Variants in CPNE4 observed in about 807,000 individuals in gnomAD.
The protein encoded by CPNE4 is copine-4.
In CPNE4, 25 loss-of-function variants were observed where a neutral mutation model predicts 67.9. The observed-to-expected ratio is 0.37, with a 90% CI of 0.27 to 0.51. The LOEUF is 0.51. Among genes scored for constraint, CPNE4 ranks in the 20% least tolerant of loss-of-function variants. The pLI is 0.93. For missense variants in CPNE4, 464 were observed against 690.8 expected (o/e 0.67, Z 3.68); for synonymous variants, 242 against 244.9 (o/e 0.99, Z 0.11).
chr3:131,771,593 G>A (rs1456706777), intron 2 of CPNE4, among the ~76,000 whole-genome samples: 1 of 152,066 alleles, frequency 6.6e-6, no homozygotes, highest in Admixed American at 6.6e-5. Flanking sequence ...CACCATAAAT[G>A]GAAGCAGCCT....
At chr3:131,654,677 C>T (rs2079905599) in intron 7 of CPNE4, among the ~76,000 whole-genome samples, 2 of 152,120 alleles carry the variant, frequency 1.3e-5, no homozygotes, top group African/African-American at 2.4e-5. Context: ...CTCAACTGGC[C>T]CCAACTCAGG....
intron 2 of CPNE4, among the ~76,000 whole-genome samples, chr3:131,874,433 C>A (rs1219844944): frequency 6.6e-6 from 1 of 152,106 alleles, no homozygotes; most frequent in African/African-American, 2.4e-5. Context: ...TACCACATAC[C>A]AGGCACTGGG....
chr3:131,829,576 A>T (rs908803352), intron 2 of CPNE4, among the ~76,000 whole-genome samples: 2 of 152,212 alleles, frequency 1.3e-5, no homozygotes, highest in East Asian at 1.9e-4. Context: ...CTGATATTTC[A>T]TTGGTGCAAT....
chr3:132,002,339 T>C (rs1197249594), intron 1 of CPNE4, among the ~76,000 whole-genome samples: 6 of 152,156 alleles, frequency 3.9e-5, no homozygotes, highest in Non-Finnish European at 8.8e-5. Context: ...CTCTCATTAA[T>C]GTGTTGCTGA....
intron 1 of CPNE4, among the ~76,000 whole-genome samples, chr3:132,012,513 A>C (rs529277614): frequency 6.6e-6 from 1 of 152,038 alleles, no homozygotes; most frequent in Non-Finnish European, 1.5e-5. Context: ...CTCCTTGGTC[A>C]CAGTGTGCTG....
intron 2 of CPNE4, among the ~76,000 whole-genome samples, chr3:131,739,486 C>G (rs1256295570): frequency 6.6e-6 from 1 of 152,206 alleles, no homozygotes; most frequent in African/African-American, 2.4e-5. Context: ...TAAACATCTT[C>G]TTTCAGGACA....
At chr3:131,615,887 T>TCA (rs1940107709) in intron 7 of CPNE4, among the ~76,000 whole-genome samples, 1 of 130,734 alleles carries the variant, frequency 7.6e-6, no homozygotes, top group South Asian at 2.4e-4. Flanking sequence ...CCCATCTCTC[T>TCA]CTCTCACACA....
intron 7 of CPNE4, among the ~76,000 whole-genome samples, chr3:131,658,103 C>T (rs2080025638): frequency 6.6e-6 from 1 of 151,394 alleles, no homozygotes; most frequent in African/African-American, 2.4e-5. Context: ...TAGTTCTTGC[C>T]AAATTTATTT....
chr3:131,942,632 C>T (rs1039481768), intron 1 of CPNE4, among the ~76,000 whole-genome samples: 2 of 151,994 alleles, frequency 1.3e-5, no homozygotes, highest in African/African-American at 4.8e-5. Flanking sequence ...ATGAATCTGC[C>T]ACAGCTGGCC....
chr3:131,637,054 C>T (rs907431070), intron 7 of CPNE4, among the ~76,000 whole-genome samples: 1 of 152,164 alleles, frequency 6.6e-6, no homozygotes, highest in Admixed American at 6.5e-5. Flanking sequence ...CCTTGAATCC[C>T]AGATCTTTCC....
chr3:131,576,281 G>A lies in CPNE4; in HGVS notation c.868-1151C>T, dbSNP rs1172342136. 3.3e-5 allele frequency among the ~76,000 whole-genome samples: 5 copies of A among 152,100 alleles called. No individual in the cohort carries two copies. The East Asian group carries it at 9.7e-4, about 29-fold the overall frequency. On this transcript the variant is annotated intron_variant, in intron 9 of 15. Transcript: ENST00000429747. The stretch of plus-strand genomic sequence containing the variant: ...TAGTGCTTACTTTTGGTGTCCTGAT[G>A]GTAATGCTTTGCCTGATAGTTGGGA...
At chr3:131,595,847 G>A (rs1938810633) in intron 7 of CPNE4, among the ~76,000 whole-genome samples, 1 of 152,146 alleles carries the variant, frequency 6.6e-6, no homozygotes, top group African/African-American at 2.4e-5. Flanking sequence ...TCAGGGGTGA[G>A]CGTGGAGAAC....
At chr3:131,627,206 AAAAAGAAAAAAAG>A (rs2079100071) in intron 7 of CPNE4, among the ~76,000 whole-genome samples, 1 of 148,916 alleles carries the variant, frequency 6.7e-6, no homozygotes, top group Non-Finnish European at 1.5e-5. Flanking sequence ...AAAAAAAAAA[AAAAAGAAAAAAAG>A]AAAAGAAAAA....
intron 2 of CPNE4, among the ~76,000 whole-genome samples, chr3:131,882,023 T>G (rs1055884999): frequency 6.6e-6 from 1 of 152,094 alleles, no homozygotes; most frequent in East Asian, 1.9e-4. Flanking sequence ...ATGTGACAGG[T>G]TATTAAATCA....
intron 8 of CPNE4, 28 bp downstream of exon 8, chr3:131,587,456 G>A: frequency 3.2e-6 from 5 of 1,549,820 alleles, no homozygotes; most frequent in Non-Finnish European, 4.5e-6. Context: ...CCGACTGGAG[G>A]CAAAACCAAA....
intron 3 of CPNE4, among the ~76,000 whole-genome samples, chr3:131,706,015 G>C (rs551501139): frequency 5.9e-5 from 9 of 152,294 alleles, no homozygotes; most frequent in African/African-American, 2.2e-4. Flanking sequence ...CCAGGAGAAA[G>C]AGAAAAGGAC....
At chr3:131,564,831 T>G (rs578085671) in intron 10 of CPNE4, among the ~76,000 whole-genome samples, 1 of 152,048 alleles carries the variant, frequency 6.6e-6, no homozygotes, top group Non-Finnish European at 1.5e-5. Context: ...AGTGGCCAGA[T>G]GCAGAGAGAT....
intron 2 of CPNE4, among the ~76,000 whole-genome samples, chr3:131,757,151 G>A (rs1330373466): frequency 6.6e-6 from 1 of 152,210 alleles, no homozygotes; most frequent in African/African-American, 2.4e-5. Flanking sequence ...CTGAAAATGT[G>A]GAAGCAACTT....
intron 1 of CPNE4, among the ~76,000 whole-genome samples, chr3:131,988,474 A>G (rs1165026126): frequency 6.6e-6 from 1 of 152,224 alleles, no homozygotes; most frequent in Non-Finnish European, 1.5e-5. Context: ...AGTCTAGTAG[A>G]CCAAAAGAGA....
Sources: gnomAD v4.1 joint callset for allele counts (sites outside exome capture counted in the v4.1 genomes callset) on GRCh38, gnomAD v4.1.1 for gene constraint, MANE v1.5 for transcripts, NCBI Gene and HGNC (gene_info 2026-07-23, HGNC 2026-07-21) for gene names.